PEBP4: variants seen among roughly 807,000 people sequenced by gnomAD.
The protein encoded by PEBP4 is phosphatidylethanolamine-binding protein 4.
PEBP4 carries 22 observed loss-of-function variants against 23.9 expected under a neutral mutation model. The observed-to-expected ratio is 0.92, with a 90% confidence interval of 0.66 to 1.31. The LOEUF (loss-of-function observed/expected upper bound fraction) is 1.31. Among genes scored for constraint, PEBP4 ranks in the 40% most tolerant of loss-of-function variants. PEBP4 has a pLI of 0.00. For synonymous variants in PEBP4, 112 were observed against 99.3 expected, an observed-to-expected ratio of 1.13 and a Z score of -0.76; for missense variants, 324 against 281.7, an observed-to-expected ratio of 1.15 and a Z score of -1.07.
At chr8:22,867,854 T>C (rs980765711) in intron 3 of PEBP4, among the ~76,000 whole-genome samples, 1 of 152,204 alleles carries the variant, frequency 6.6e-6, no homozygotes, top group African/African-American at 2.4e-5. Context: ...GATTTCAGGG[T>C]GAGGACCACA....
intron 2 of PEBP4, among the ~76,000 whole-genome samples, chr8:22,923,538 G>A (rs898930919): frequency 1.3e-5 from 2 of 152,134 alleles, no homozygotes; most frequent in African/African-American, 4.8e-5. Flanking sequence ...CTACATTCCA[G>A]CCTGGGTGAC....
intron 3 of PEBP4, among the ~76,000 whole-genome samples, chr8:22,855,459 A>G (rs1296165353): frequency 6.6e-6 from 1 of 152,130 alleles, no homozygotes; most frequent in Non-Finnish European, 1.5e-5. Flanking sequence ...CAGCCCTCAG[A>G]GAGTCTATTA....
intron 1 of PEBP4, among the ~76,000 whole-genome samples, chr8:22,935,400 AG>A (rs1809523756): frequency 6.6e-6 from 1 of 152,138 alleles, no homozygotes; most frequent in African/African-American, 2.4e-5. Context: ...AGGCACCTGT[AG>A]TCCCATCCCA....
At chr8:22,932,438 T>G (rs1809471148), upstream of PEBP4, among the ~76,000 whole-genome samples, 1 of 152,048 alleles carries the variant, frequency 6.6e-6, no homozygotes, top group African/African-American at 2.4e-5. Context: ...TAAAGCTGTT[T>G]AAAAAAAGTC....
intron 6 of PEBP4, among the ~76,000 whole-genome samples, chr8:22,718,580 C>T (rs975778715): frequency 6.6e-6 from 1 of 152,200 alleles, no homozygotes; most frequent in Non-Finnish European, 1.5e-5. Context: ...ATGGCCCCAG[C>T]TGGGTGGCTG....
intron 3 of PEBP4, among the ~76,000 whole-genome samples, chr8:22,857,080 G>T (rs561769431): frequency 1.7e-3 from 255 of 152,012 alleles, no homozygotes; most frequent in South Asian, 4.0e-3. Flanking sequence ...AGATACAATT[G>T]GTAAGTATAA....
intron 4 of PEBP4, among the ~76,000 whole-genome samples, chr8:22,817,218 T>TTCTGCCACCTGCACGTC (rs1408476604): frequency 6.6e-6 from 1 of 152,202 alleles, no homozygotes; most frequent in Non-Finnish European, 1.5e-5. Flanking sequence ...TCCTGGCCGG[T>TTCTGCCACCTGCACGTC]TCTGCCACCT....
intron 4 of PEBP4, among the ~76,000 whole-genome samples, chr8:22,733,200 G>A (rs1341577410): frequency 6.6e-6 from 1 of 152,206 alleles, no homozygotes; most frequent in Non-Finnish European, 1.5e-5. Flanking sequence ...AGCTCCTCGA[G>A]GGTGGGGACT....
intron 4 of PEBP4, among the ~76,000 whole-genome samples, chr8:22,731,156 G>A (rs143128502): frequency 2.0e-3 from 310 of 152,304 alleles, no homozygotes; most frequent in African/African-American, 7.0e-3. Flanking sequence ...GGTTTGATTT[G>A]TGTCCACCTA....
chr8:22,820,637 T>C (rs969292972), intron 3 of PEBP4, among the ~76,000 whole-genome samples: 32 of 152,292 alleles, frequency 2.1e-4, no homozygotes, highest in African/African-American at 7.2e-4. Context: ...TCTTTTGAGC[T>C]TGATCTCAAA....
intron 3 of PEBP4, among the ~76,000 whole-genome samples, chr8:22,836,195 C>T (rs1807201059): frequency 6.6e-6 from 1 of 152,162 alleles, no homozygotes; most frequent in South Asian, 2.1e-4. Flanking sequence ...TCTTAGACTG[C>T]ATGCATATTA....
intron 3 of PEBP4, among the ~76,000 whole-genome samples, chr8:22,870,788 A>G (rs967455670): frequency 6.6e-6 from 1 of 152,146 alleles, no homozygotes; most frequent in Non-Finnish European, 1.5e-5. Flanking sequence ...AAAAAGTTGA[A>G]TGGGCCACAG....
intron 4 of PEBP4, among the ~76,000 whole-genome samples, chr8:22,749,363 C>T (rs948603968): frequency 3.3e-5 from 5 of 152,212 alleles, no homozygotes; most frequent in African/African-American, 1.2e-4. Flanking sequence ...GTAGGCAAGA[C>T]ATCCCATTGA....
At chr8:22,737,471 G>A (rs1208864761) in intron 4 of PEBP4, among the ~76,000 whole-genome samples, 1 of 152,128 alleles carries the variant, frequency 6.6e-6, no homozygotes, top group Non-Finnish European at 1.5e-5. Flanking sequence ...TGGTCTTTAC[G>A]TGAGTTAGTT....
intron 4 of PEBP4, among the ~76,000 whole-genome samples, chr8:22,749,277 G>A (rs1805194563): frequency 6.6e-6 from 1 of 152,220 alleles, no homozygotes; most frequent in Admixed American, 6.5e-5. Context: ...ATGATTGGGA[G>A]GCTGAGGCCT....
intron 3 of PEBP4, among the ~76,000 whole-genome samples, chr8:22,868,094 T>A (rs991189672): frequency 6.6e-6 from 1 of 152,114 alleles, no homozygotes; most frequent in Non-Finnish European, 1.5e-5. Context: ...GCCCCAGATG[T>A]TGGGGGTTGG....
At chr8:22,887,438 C>G (rs185415263) in intron 3 of PEBP4, among the ~76,000 whole-genome samples, 1 of 151,776 alleles carries the variant, frequency 6.6e-6, no homozygotes, top group African/African-American at 2.4e-5. Flanking sequence ...CGTGAGCCAC[C>G]GTGCCCAGCC....
At chr8:22,916,558 G>A (rs987109111) in intron 3 of PEBP4, among the ~76,000 whole-genome samples, 1 of 152,110 alleles carries the variant, frequency 6.6e-6, no homozygotes, top group African/African-American at 2.4e-5. Context: ...ACTAGGTTTA[G>A]CAGCTTTCCT....
At chr8:22,787,086 A>C (rs4871833) in intron 4 of PEBP4, among the ~76,000 whole-genome samples, 3 of 152,034 alleles carry the variant, frequency 2.0e-5, no homozygotes, top group Non-Finnish European at 4.4e-5. Context: ...GCTTCCCAAG[A>C]GTGCTGGGAT....
Sources: gnomAD v4.1 joint callset for allele counts (sites outside exome capture counted in the v4.1 genomes callset) on GRCh38, gnomAD v4.1.1 for gene constraint, MANE v1.5 for transcripts, NCBI Gene and HGNC (gene_info 2026-07-23, HGNC 2026-07-21) for gene names.